NRG3: variants seen among roughly 807,000 people sequenced by gnomAD.
NRG3 encodes the protein neuregulin 3, also known as pro-neuregulin-3, membrane-bound isoform.
In NRG3, 31 loss-of-function variants were observed where a neutral mutation model predicts 66.9. The ratio of observed to expected loss-of-function variants is 0.46; its 90% CI spans 0.35 to 0.63. The LOEUF (loss-of-function observed/expected upper bound fraction) is 0.63, where lower values mean the gene tolerates loss of function less well. NRG3 is among the 20% of genes least tolerant of loss of function. The pLI is 0.00. For synonymous variants in NRG3, 393 were observed against 359.4 expected, an observed-to-expected ratio of 1.09 and a Z score of -1.06; for missense variants, 910 against 878.9, an observed-to-expected ratio of 1.04 and a Z score of -0.45.
At chr10:82,460,147 A>T (rs768616332) in intron 2 of NRG3, among the ~76,000 whole-genome samples, 1 of 152,056 alleles carries the variant, frequency 6.6e-6, no homozygotes, top group Non-Finnish European at 1.5e-5. Flanking sequence ...CATTTTTCTT[A>T]TGTGTAAAAC....
At chr10:82,586,653 A>G (rs1785336122) in intron 2 of NRG3, among the ~76,000 whole-genome samples, 2 of 152,204 alleles carry the variant, frequency 1.3e-5, no homozygotes, top group African/African-American at 4.8e-5. Flanking sequence ...TTTATTAAAT[A>G]TATTTCTTAA....
chr10:82,585,834 G>A (rs1220580752), intron 2 of NRG3, among the ~76,000 whole-genome samples: 1 of 152,042 alleles, frequency 6.6e-6, no homozygotes, highest in East Asian at 1.9e-4. Context: ...TCTATCAATT[G>A]AATATTATAG....
chr10:82,431,872 A>G (rs2089829256), intron 2 of NRG3, among the ~76,000 whole-genome samples: 1 of 152,226 alleles, frequency 6.6e-6, no homozygotes, highest in South Asian at 2.1e-4. Context: ...GTGATTTTAC[A>G]TAGAAAGAAA....
chr10:82,293,197 C>T (rs1236165369), intron 1 of NRG3, among the ~76,000 whole-genome samples: 3 of 152,116 alleles, frequency 2.0e-5, no homozygotes, highest in East Asian at 1.9e-4. Context: ...AGATGGTCTA[C>T]GTTGAGTTCA....
At chr10:82,914,382 A>G (rs1290225645) in intron 4 of NRG3, among the ~76,000 whole-genome samples, 2 of 151,976 alleles carry the variant, frequency 1.3e-5, no homozygotes. Context: ...TAGACATGAC[A>G]TATTAGGTAA....
intron 1 of NRG3, among the ~76,000 whole-genome samples, chr10:82,164,006 C>T (rs2071828412): frequency 6.6e-6 from 1 of 151,436 alleles, no homozygotes; most frequent in African/African-American, 2.4e-5. Flanking sequence ...CTGCAACCTC[C>T]ACCTCCTGGG....
intron 2 of NRG3, among the ~76,000 whole-genome samples, chr10:82,371,754 G>T (rs936607952): frequency 6.6e-6 from 1 of 152,160 alleles, no homozygotes; most frequent in African/African-American, 2.4e-5. Context: ...TTCCACTCCT[G>T]GAGGAAGGTG....
chr10:82,399,466 T>A (rs1297207340), intron 2 of NRG3, among the ~76,000 whole-genome samples: 1 of 152,168 alleles, frequency 6.6e-6, no homozygotes, highest in Non-Finnish European at 1.5e-5. Context: ...ATATTATGCA[T>A]TGGGTAGTTG....
chr10:82,851,746 T>G (rs1242878567), intron 3 of NRG3, among the ~76,000 whole-genome samples: 8 of 149,864 alleles, frequency 5.3e-5, no homozygotes. Flanking sequence ...AGTTTTTTTC[T>G]TTTTGAATTT....
chr10:82,020,197 A>G lies in NRG3; in HGVS notation c.823+144034A>G, dbSNP rs181260992. On this transcript the variant is annotated intron_variant, in intron 1 of 8. Coordinates refer to ENST00000372141, the MANE Select transcript of NRG3 (RefSeq NM_001010848.4). ...AAATTGTAAATTGTGATTTTATCTTACTGTGTCAATCAGAACAGAGCCAAA... is the reference window on the plus strand; with the variant it reads ...AAATTGTAAATTGTGATTTTATCTTGCTGTGTCAATCAGAACAGAGCCAAA... Among the ~76,000 whole-genome samples, 477 of 152,274 alleles carry G rather than the reference A, an allele frequency of 3.1e-3. 3 individuals carry two copies. Among genetic ancestry groups the G allele is most frequent in the Middle Eastern group, 0.01 (3 of 294 alleles).
At chr10:82,522,633 A>C (rs1191136245) in intron 2 of NRG3, among the ~76,000 whole-genome samples, 1 of 152,136 alleles carries the variant, frequency 6.6e-6, no homozygotes, top group African/African-American at 2.4e-5. Context: ...GGTTGCCACA[A>C]ACCGTCAATT....
intron 2 of NRG3, among the ~76,000 whole-genome samples, chr10:82,724,517 G>A (rs2057485183): frequency 6.6e-6 from 1 of 152,184 alleles, no homozygotes; most frequent in African/African-American, 2.4e-5. Context: ...GCTGTTGAAT[G>A]AGGGTTTGGC....
intron 1 of NRG3, among the ~76,000 whole-genome samples, chr10:82,291,059 G>A (rs538298265): frequency 6.6e-6 from 1 of 152,066 alleles, no homozygotes; most frequent in South Asian, 2.1e-4. Flanking sequence ...TTCTCAGCTA[G>A]TGCTATTGCA....
intron 1 of NRG3, among the ~76,000 whole-genome samples, chr10:82,194,883 A>G (rs1157605893): frequency 6.6e-6 from 1 of 151,910 alleles, no homozygotes; most frequent in Non-Finnish European, 1.5e-5. Context: ...TTTCCACAGA[A>G]CCCTCTCAGG....
intron 2 of NRG3, among the ~76,000 whole-genome samples, chr10:82,728,981 G>A (rs942609478): frequency 9.2e-5 from 14 of 151,758 alleles, no homozygotes; most frequent in African/African-American, 3.4e-4. Context: ...GTGTTTGTTT[G>A]TGTGTGTGTG....
At chr10:82,115,086 C>T (rs1378598154) in intron 1 of NRG3, among the ~76,000 whole-genome samples, 2 of 152,132 alleles carry the variant, frequency 1.3e-5, no homozygotes, top group African/African-American at 4.8e-5. Context: ...CTTCTGAACA[C>T]ATCACTTGCT....
intron 1 of NRG3, among the ~76,000 whole-genome samples, chr10:82,326,006 A>G (rs1422098516): frequency 6.6e-6 from 1 of 152,160 alleles, no homozygotes; most frequent in Non-Finnish European, 1.5e-5. Flanking sequence ...TTGGGTAGAT[A>G]CATATTTCTG....
chr10:82,061,177 C>T (rs1409202802), intron 1 of NRG3, among the ~76,000 whole-genome samples: 1 of 152,022 alleles, frequency 6.6e-6, no homozygotes, highest in East Asian at 1.9e-4. Flanking sequence ...ATGGTGAAAC[C>T]CTGTCTCTAC....
At chr10:82,253,529 T>C (rs2077580482) in intron 1 of NRG3, among the ~76,000 whole-genome samples, 2 of 152,192 alleles carry the variant, frequency 1.3e-5, no homozygotes, top group Admixed American at 1.3e-4. Context: ...ACCTTATAAA[T>C]AGCTCTTCTC....
Sources: allele counts gnomAD v4.1 joint callset (sites outside exome capture counted in the v4.1 genomes callset), GRCh38; gene constraint gnomAD v4.1.1; transcripts MANE v1.5; gene names NCBI Gene and HGNC (gene_info 2026-07-23, HGNC 2026-07-21).